LINGO2: variants seen among roughly 807,000 people sequenced by gnomAD.
The protein encoded by LINGO2 is leucine-rich repeat and immunoglobulin-like domain-containing nogo receptor-interacting protein 2.
Under a neutral mutation model 30.6 loss-of-function variants are expected in LINGO2, and 14 were observed. The observed-to-expected ratio is 0.46, with a 90% CI of 0.30 to 0.72. The LOEUF (loss-of-function observed/expected upper bound fraction) is 0.72, where lower values mean the gene tolerates loss of function less well. Ranked by LOEUF, LINGO2 falls within the 30% of genes least tolerant of loss-of-function variation. LINGO2 has a pLI of 0.07. For missense variants in LINGO2, 729 were observed against 751.7 expected (o/e 0.97, Z 0.35); for synonymous variants, 317 against 288.5 (o/e 1.10, Z -1.00).
chr9:29,135,558 C>CA, the LINGO2 span, among the ~76,000 whole-genome samples: 23,850 of 107,980 alleles, frequency 0.22, 2,160 homozygotes, highest in East Asian at 0.4. Flanking sequence ...ATTCCATCTC[C>CA]AAAAAAAAAA....
rs117312569 is a variant in LINGO2, at chr9:28,105,664, G to T, written c.-86-93259C>A. ...AATTAAGATTAACTGAGCTCATACA[G>T]GTGGAGTCCTAATTAAATTGCATTG... On this transcript the variant is annotated intron_variant, in intron 4 of 5. Coordinates refer to ENST00000379992, the Ensembl canonical transcript of LINGO2. 1.3e-3 allele frequency among the ~76,000 whole-genome samples: 198 copies of T among 152,180 alleles called. 5 individuals carry two copies. In the South Asian group the frequency reaches 0.032, roughly 25 times the overall value.
chr9:28,345,729 G>A (rs1819539390), intron 3 of LINGO2, among the ~76,000 whole-genome samples: 2 of 152,116 alleles, frequency 1.3e-5, no homozygotes, highest in South Asian at 4.1e-4. Context: ...CTCTCATTGT[G>A]ATAAAATCAC....
chr9:28,394,092 C>A (rs1169445683), intron 2 of LINGO2, among the ~76,000 whole-genome samples: 1 of 152,050 alleles, frequency 6.6e-6, no homozygotes, highest in Non-Finnish European at 1.5e-5. Flanking sequence ...ATGAGAGTCT[C>A]TGTCTGACGG....
rs79743238 is a variant in LINGO2 at position 28,055,455 on chromosome 9, G to A, written c.-86-43050C>T. On this transcript the variant is annotated intron_variant, in intron 4 of 5. Coordinates refer to ENST00000379992, the Ensembl canonical transcript of LINGO2. ...GTATAAGGGCATTTGCAGCAAGTCT[G>A]TTTGCATAAAATAAGAACTTGTAAA... Among the ~76,000 whole-genome samples, 420 of 152,200 alleles carry A rather than the reference G, an allele frequency of 2.8e-3. 2 individuals are homozygous for A. Among genetic ancestry groups the A allele is most frequent in the African/African-American group, 9.6e-3 (400 of 41,546 alleles).
At chr9:29,059,171 A>G in the LINGO2 span, among the ~76,000 whole-genome samples, 482 of 151,988 alleles carry the variant, frequency 3.2e-3, 2 homozygotes, top group African/African-American at 0.011. Context: ...ATATTAATAG[A>G]TTGGAGAACT....
the LINGO2 span, among the ~76,000 whole-genome samples, chr9:28,778,320 A>C: frequency 2.0e-5 from 3 of 152,162 alleles, no homozygotes; most frequent in Non-Finnish European, 4.4e-5. Context: ...TAAATAATTT[A>C]TGTGATTTTT....
At chr9:28,747,542 G>A in the LINGO2 span, among the ~76,000 whole-genome samples, 1 of 152,062 alleles carries the variant, frequency 6.6e-6, no homozygotes, top group Non-Finnish European at 1.5e-5. Context: ...GACTTCAGGA[G>A]CTGCAGACAC....
the LINGO2 span, among the ~76,000 whole-genome samples, chr9:28,706,045 A>T: frequency 1.3e-5 from 2 of 152,110 alleles, no homozygotes; most frequent in African/African-American, 4.8e-5. Context: ...CAATAAAAAT[A>T]ATTTCTAAAC....
chr9:29,109,650 G>A, the LINGO2 span, among the ~76,000 whole-genome samples: 1 of 152,216 alleles, frequency 6.6e-6, no homozygotes, highest in Non-Finnish European at 1.5e-5. Flanking sequence ...TGGCAGGAAA[G>A]TGAGTCAGTG....
At chr9:27,980,120 T>G (rs1038305995) in intron 5 of LINGO2, among the ~76,000 whole-genome samples, 4 of 151,904 alleles carry the variant, frequency 2.6e-5, no homozygotes, top group Admixed American at 2.6e-4. Context: ...GCCTTGATAC[T>G]GAGAAAGAAA....
At chr9:28,566,423 C>G (rs1386926555) in intron 1 of LINGO2, among the ~76,000 whole-genome samples, 1 of 152,148 alleles carries the variant, frequency 6.6e-6, no homozygotes, top group Admixed American at 6.5e-5. Flanking sequence ...AACTACTATG[C>G]CACATGAAAT....
At chr9:27,981,325 C>T (rs190664908) in intron 5 of LINGO2, among the ~76,000 whole-genome samples, 11 of 151,206 alleles carry the variant, frequency 7.3e-5, no homozygotes, top group Admixed American at 2.0e-4. Flanking sequence ...ATAAGAAAAT[C>T]GAGGCAGAAA....
chr9:29,179,156 TAA>T, the LINGO2 span, among the ~76,000 whole-genome samples: 1 of 54,798 alleles, frequency 1.8e-5, no homozygotes, highest in South Asian at 8.8e-4. Context: ...CTTCTTACTG[TAA>T]ATATATATAT....
chr9:28,057,222 G>A (rs1587786371), intron 4 of LINGO2, among the ~76,000 whole-genome samples: 1 of 151,878 alleles, frequency 6.6e-6, no homozygotes, highest in East Asian at 1.9e-4. Context: ...ACTGATTTGG[G>A]CTGAAATATA....
At chr9:28,485,852 T>A (rs944755029) in intron 1 of LINGO2, among the ~76,000 whole-genome samples, 3 of 152,088 alleles carry the variant, frequency 2.0e-5, no homozygotes, top group African/African-American at 2.4e-5. Flanking sequence ...GATATTTACT[T>A]TTGGGTTCTA....
At chr9:28,992,522 T>C in the LINGO2 span, among the ~76,000 whole-genome samples, 697 of 151,736 alleles carry the variant, frequency 4.6e-3, 4 homozygotes, top group African/African-American at 0.016. Context: ...ACCTAATAGA[T>C]ATGTACAGAA....
intron 4 of LINGO2, among the ~76,000 whole-genome samples, chr9:28,016,353 G>T (rs1822837036): frequency 1.3e-5 from 2 of 152,064 alleles, no homozygotes; most frequent in South Asian, 4.1e-4. Flanking sequence ...GGTACAACAT[G>T]AGCTACAAAC....
the LINGO2 span, among the ~76,000 whole-genome samples, chr9:29,100,425 C>T: frequency 6.6e-6 from 1 of 151,924 alleles, no homozygotes; most frequent in African/African-American, 2.4e-5. Context: ...GAAACCACAT[C>T]TCTACTAAAG....
chr9:28,818,191 T>C, the LINGO2 span, among the ~76,000 whole-genome samples: 2 of 152,186 alleles, frequency 1.3e-5, no homozygotes, highest in Non-Finnish European at 2.9e-5. Context: ...AGTTCATTAG[T>C]TGGGTCTGAG....
Sources: allele counts gnomAD v4.1 joint callset (sites outside exome capture counted in the v4.1 genomes callset), GRCh38; gene constraint gnomAD v4.1.1; transcripts MANE v1.5; gene names NCBI Gene and HGNC (gene_info 2026-07-23, HGNC 2026-07-21).